NHSL2: variants seen among roughly 807,000 people sequenced by gnomAD.
The protein encoded by NHSL2 is NHS like 2, also known as NHS-like protein 2.
In NHSL2, 27 loss-of-function variants were observed where a neutral mutation model predicts 53.4. The observed-to-expected ratio is 0.51, with a 90% CI of 0.37 to 0.70. The LOEUF (loss-of-function observed/expected upper bound fraction) is 0.70. NHSL2 is among the 30% of genes least tolerant of loss of function. The pLI is 0.00. For missense variants in NHSL2, 892 were observed against 980.1 expected, an observed-to-expected ratio of 0.91 and a Z score of 1.20; for synonymous variants, 408 against 404.1, an observed-to-expected ratio of 1.01 and a Z score of -0.12.
intron 1 of NHSL2, among the ~76,000 whole-genome samples, chrX:72,036,048 C>A (rs1057189538): frequency 5.4e-5 from 6 of 112,023 alleles, no homozygotes; most frequent in Admixed American, 1.9e-4. Context: ...CTAACTAATG[C>A]CTGATAACCT....
At chrX:71,951,005 T>TACACACACACACACACAC (rs10527333) in intron 1 of NHSL2, among the ~76,000 whole-genome samples, 3,730 of 89,652 alleles carry the variant, frequency 0.042, 99 homozygotes, top group East Asian at 0.12. Context: ...AAATACAAAA[T>TACACACACACACACACAC]ACACACACAC....
At chrX:72,130,579 C>T in intron 1 of NHSL2, 1 of 1,211,586 alleles carries the variant, frequency 8.3e-7, no homozygotes, top group Non-Finnish European at 1.1e-6. Flanking sequence ...ATTTCGAACT[C>T]CAGGGAGCGG....
intron 1 of NHSL2, among the ~76,000 whole-genome samples, chrX:72,072,890 A>C (rs1351404944): frequency 8.9e-6 from 1 of 111,746 alleles, no homozygotes; most frequent in Non-Finnish European, 1.9e-5. Flanking sequence ...AGAACCCTTG[A>C]CCAAGACTCA....
chrX:72,138,435 C>G lies in NHSL2; in HGVS notation c.893-6C>G, dbSNP rs1309367919. The G allele has an allele frequency of 8.8e-7, 1 of 1,131,107 alleles. No homozygotes were observed. The highest frequency in any genetic ancestry group is 2.8e-5 in the Admixed American group (1 of 36,156). The allele number at this position is 1,131,107 out of a possible 1,213,427, so 93.2% of individuals were successfully genotyped here. A position where few individuals can be genotyped will look rare whatever the true frequency, so the allele number is the denominator to read the frequency against. On this transcript the variant is annotated splice_polypyrimidine_tract_variant and splice_region_variant and intron_variant, in intron 5 of 7. Transcript: ENST00000633930. ...AGCACTCATGTCCTGTGTTTATTTC[C>G]TCCAGGTCACAGCAACAGCCCAGCA... is the stretch of plus-strand genomic sequence containing the variant.
intron 1 of NHSL2, among the ~76,000 whole-genome samples, chrX:72,117,473 A>G: frequency 9.2e-6 from 1 of 108,668 alleles, no homozygotes; most frequent in African/African-American, 3.4e-5. Flanking sequence ...ATCCATTTGA[A>G]GCATACAATT....
In NHSL2 at chrX:71,966,821, G is replaced by A. The variant is rs1168290086; in HGVS notation, c.280+55454G>A. 4.5e-5 allele frequency among the ~76,000 whole-genome samples: 5 copies of A among 111,832 alleles called. No individual in the cohort carries two copies. In the Admixed American group the frequency reaches 4.8e-4, roughly 11 times the overall value. On this transcript the variant is annotated intron_variant, in intron 1 of 7. Transcript: ENST00000633930. ...CTGGCTTCACAGAATGAGTTAGGAA[G>A]TGTTCCTTCTGCTTCTATCTTCTAA...
intron 1 of NHSL2, among the ~76,000 whole-genome samples, chrX:72,026,862 C>T (rs778216507): frequency 8.9e-6 from 1 of 112,292 alleles, no homozygotes; most frequent in African/African-American, 3.2e-5. Flanking sequence ...CCTCTGGTCT[C>T]TGTAAATATC....
chrX:72,047,903 G>A (rs998502164), intron 1 of NHSL2, among the ~76,000 whole-genome samples: 2 of 110,198 alleles, frequency 1.8e-5, no homozygotes, highest in African/African-American at 6.6e-5. Context: ...GATGTACTCT[G>A]AGGGCTCCAG....
intron 1 of NHSL2, among the ~76,000 whole-genome samples, chrX:72,120,731 C>G (rs1178364992): frequency 8.9e-6 from 1 of 112,439 alleles, no homozygotes; most frequent in Non-Finnish European, 1.9e-5. Flanking sequence ...TTTCTACACT[C>G]CTGCATGTGG....
At chrX:71,948,588 T>C (rs1449988058) in intron 1 of NHSL2, among the ~76,000 whole-genome samples, 4 of 110,952 alleles carry the variant, frequency 3.6e-5, no homozygotes, top group African/African-American at 9.8e-5. Flanking sequence ...TCCCAGCACT[T>C]TGGGAGGCCG....
intron 1 of NHSL2, among the ~76,000 whole-genome samples, chrX:72,015,831 G>T (rs1569472102): frequency 8.9e-6 from 1 of 111,946 alleles, no homozygotes; most frequent in Non-Finnish European, 1.9e-5. Context: ...TTTATTTTGA[G>T]TTGTTTACCT....
In NHSL2 at chrX:72,031,430, A is replaced by G. The variant is rs181420977; in HGVS notation, c.281-100649A>G. Among the ~76,000 whole-genome samples the G allele has an allele frequency of 6.4e-4, 72 of 112,098 alleles. No homozygotes were observed. The East Asian group carries it at 0.019, about 29-fold the overall frequency. ...CCTTACACAGCTATTGTGAGTATTAAATGAGCTATTTCATGTGTAGCACTT... is the reference window on the plus strand; with the variant it reads ...CCTTACACAGCTATTGTGAGTATTAGATGAGCTATTTCATGTGTAGCACTT... On this transcript the variant is annotated intron_variant, in intron 1 of 7. Coordinates refer to ENST00000633930, the MANE Select transcript of NHSL2 (RefSeq NM_001013627.3).
At chrX:72,044,602 C>A in intron 1 of NHSL2, 2 of 1,111,181 alleles carry the variant, frequency 1.8e-6, no homozygotes, top group Admixed American at 4.4e-5. Flanking sequence ...CCACGTGCAG[C>A]CTATTCGCTG....
chrX:71,999,353 C>T (rs748735777), intron 1 of NHSL2, among the ~76,000 whole-genome samples: 1 of 112,305 alleles, frequency 8.9e-6, no homozygotes, highest in South Asian at 3.7e-4. Flanking sequence ...GGGAAAAAAC[C>T]GTGAATGAAT....
intron 1 of NHSL2, among the ~76,000 whole-genome samples, chrX:72,066,446 C>G (rs1055110071): frequency 9.0e-6 from 1 of 111,377 alleles, no homozygotes; most frequent in African/African-American, 3.3e-5. Flanking sequence ...CCTTAAGCAT[C>G]TAATGGGCTA....
At chrX:72,053,149 G>C (rs1426622320) in intron 1 of NHSL2, among the ~76,000 whole-genome samples, 1 of 112,135 alleles carries the variant, frequency 8.9e-6, no homozygotes, top group Admixed American at 9.4e-5. Context: ...GCCTTGCCTC[G>C]TTAGGATTTG....
intron 1 of NHSL2, among the ~76,000 whole-genome samples, chrX:71,952,077 CA>C (rs2041823537): frequency 8.9e-6 from 1 of 112,129 alleles, no homozygotes; most frequent in South Asian, 3.7e-4. Flanking sequence ...TCCTTCTATG[CA>C]AAAACAAAAC....
chrX:72,143,163 C>T (rs780661452), intron 7 of NHSL2, 90 bp from the exon 8 acceptor site: 4 of 632,398 alleles, frequency 6.3e-6, no homozygotes, highest in Non-Finnish European at 4.8e-6. Context: ...AGGGCTGCCG[C>T]CTGGATTGTG....
chrX:72,082,864 C>T (rs1053919040), intron 1 of NHSL2, among the ~76,000 whole-genome samples: 1 of 112,553 alleles, frequency 8.9e-6, no homozygotes, highest in Non-Finnish European at 1.9e-5. Flanking sequence ...CCCATGCTCT[C>T]AGGCCTCATG....
Sources: gnomAD v4.1 joint callset for allele counts (sites outside exome capture counted in the v4.1 genomes callset) on GRCh38, gnomAD v4.1.1 for gene constraint, MANE v1.5 for transcripts, NCBI Gene and HGNC (gene_info 2026-07-23, HGNC 2026-07-21) for gene names.